The following ADGRL2 variants were observed in gnomAD, a reference collection of about 807,000 sequenced individuals.
ADGRL2 encodes the protein calcium-independent alpha-latrotoxin receptor 2.
A neutral mutation model predicts 157.4 loss-of-function variants in ADGRL2; 44 were observed. The observed-to-expected ratio is 0.28, with a 90% CI of 0.22 to 0.36. ADGRL2 has a LOEUF of 0.36. Among genes scored for constraint, ADGRL2 ranks in the 10% least tolerant of loss-of-function variants. ADGRL2 has a pLI of 1.00. For synonymous variants in ADGRL2, 585 were observed against 624.7 expected (o/e 0.94, Z 0.95); for missense variants, 1,510 against 1,768.9 (o/e 0.85, Z 2.63).
At chr1:81,431,212 G>A (rs970025770) in intron 1 of ADGRL2, among the ~76,000 whole-genome samples, 1 of 152,088 alleles carries the variant, frequency 6.6e-6, no homozygotes, top group African/African-American at 2.4e-5. Context: ...TTGGAGGTAG[G>A]GTGGGGAGTT....
In ADGRL2 at chr1:81,969,247, T is replaced by G; in HGVS notation, c.2593T>G (p.Cys865Gly). ...TWVGIVISLV[C>G]LAICIFTFCF... ...GGTGGGAATTGTCATTTCCCTTGTT[T>G]GCCTGGCTATCTGCATCTTCACCTT... Residue 865 changes from cysteine to glycine, a missense_variant, in exon 15 of 24, where the codon TGC (cysteine) becomes GGC (glycine). Transcript: ENST00000686636. The G allele has an allele frequency of 6.2e-7, 1 of 1,614,122 alleles. No homozygotes were observed. Among genetic ancestry groups the G allele is most frequent in the Non-Finnish European group, 8.5e-7 (1 of 1,179,964 alleles).
At chr1:81,474,192 T>C (rs2078227415) in intron 2 of ADGRL2, among the ~76,000 whole-genome samples, 5 of 152,240 alleles carry the variant, frequency 3.3e-5, no homozygotes, top group Admixed American at 3.3e-4. Context: ...AAATTGACAC[T>C]GTTAATACAT....
intron 1 of ADGRL2, among the ~76,000 whole-genome samples, chr1:81,405,576 G>A (rs1384351979): frequency 6.6e-6 from 1 of 150,552 alleles, no homozygotes; most frequent in Non-Finnish European, 1.5e-5. Flanking sequence ...CCTGAGCCTG[G>A]GAGGCAGAGG....
intron 2 of ADGRL2, among the ~76,000 whole-genome samples, chr1:81,864,934 C>A (rs2150874222): frequency 6.6e-6 from 1 of 152,218 alleles, no homozygotes; most frequent in South Asian, 2.1e-4. Context: ...TGCAGTGAGC[C>A]AAGATCGCAC....
At chr1:81,642,249 A>AC (rs1491414092) in intron 3 of ADGRL2, among the ~76,000 whole-genome samples, 9 of 118,134 alleles carry the variant, frequency 7.6e-5, no homozygotes, top group African/African-American at 2.6e-4. Flanking sequence ...CTCTGTCTCC[A>AC]AAAAAAAAAA....
rs200163797 is a variant in ADGRL2, at chr1:81,901,584, T to TATATA, written c.74-5433_74-5432insATATA. On this transcript the variant is annotated intron_variant, in intron 2 of 23. Transcript: ENST00000686636. ...AGGATTAAAACATATATATATATAT[T>TATATA]TTTTTTTTTGATGATTTCTTCCCGT... Among the ~76,000 whole-genome samples the TATATA allele has an allele frequency of 1.6e-4, 24 of 150,498 alleles. No individual in the cohort carries two copies. In the East Asian group the frequency reaches 4.5e-3, roughly 28 times the overall value.
chr1:81,789,701 CAAAAAA>C (rs34269882), intron 2 of ADGRL2, among the ~76,000 whole-genome samples: 1 of 88,502 alleles, frequency 1.1e-5, no homozygotes, highest in Non-Finnish European at 2.3e-5. Flanking sequence ...GTCTCCGTCT[CAAAAAA>C]AAAAAAAAAA....
chr1:81,905,955 T>A (rs1319752211), intron 2 of ADGRL2, among the ~76,000 whole-genome samples: 5 of 147,818 alleles, frequency 3.4e-5, no homozygotes, highest in Admixed American at 2.7e-4. Flanking sequence ...AGAGTGTGTG[T>A]GTGTGTGTGT....
intron 1 of ADGRL2, among the ~76,000 whole-genome samples, chr1:81,363,446 A>G (rs2076012117): frequency 6.6e-6 from 1 of 152,118 alleles, no homozygotes; most frequent in Non-Finnish European, 1.5e-5. Context: ...AATGTGTTCT[A>G]GTACAGAATT....
chr1:81,740,564 G>A (rs2085041355), intron 1 of ADGRL2, among the ~76,000 whole-genome samples: 1 of 152,162 alleles, frequency 6.6e-6, no homozygotes, highest in Non-Finnish European at 1.5e-5. Flanking sequence ...ACAAGGTTGA[G>A]GCAAGAACGT....
intron 1 of ADGRL2, among the ~76,000 whole-genome samples, chr1:81,364,751 G>A (rs1287133439): frequency 1.3e-5 from 2 of 151,360 alleles, no homozygotes; most frequent in East Asian, 3.9e-4. Flanking sequence ...CCAGGCTGGA[G>A]TGCAGTGGCA....
In ADGRL2 at chr1:81,326,522, C is replaced by T. The variant is rs142749784; in HGVS notation, c.-302+20013C>T. Among the ~76,000 whole-genome samples, 595 of 152,282 alleles carry T rather than the reference C, an allele frequency of 3.9e-3. 6 individuals carry two copies. The highest frequency in any genetic ancestry group is 2.2e-3 in the Non-Finnish European group (150 of 68,020). On this transcript the variant is annotated intron_variant, in intron 1 of 24. Coordinates refer to the ADGRL2 transcript ENST00000370721. ...ATGGACCATTCTTCATGATCTTTAA[C>T]AACCATCAATTGATCTCTAGGACTC...
intron 1 of ADGRL2, among the ~76,000 whole-genome samples, chr1:81,703,255 G>C (rs1004073921): frequency 6.6e-6 from 1 of 152,236 alleles, no homozygotes; most frequent in African/African-American, 2.4e-5. Context: ...TGAAGCGGGA[G>C]AAGTAAGCAA....
chr1:81,700,801 T>G (rs1431868428), intron 1 of ADGRL2, among the ~76,000 whole-genome samples: 1 of 152,200 alleles, frequency 6.6e-6, no homozygotes. Flanking sequence ...TGTCGAACAT[T>G]AGCACTACTA....
At chr1:81,522,731 C>T (rs575385170) in intron 2 of ADGRL2, among the ~76,000 whole-genome samples, 1 of 152,198 alleles carries the variant, frequency 6.6e-6, no homozygotes, top group East Asian at 1.9e-4. Flanking sequence ...AATTCTAATA[C>T]AACAGATAAA....
At chr1:81,984,907 G>A (rs895804896) in intron 20 of ADGRL2, among the ~76,000 whole-genome samples, 196 bp downstream of exon 20, 4 of 151,828 alleles carry the variant, frequency 2.6e-5, no homozygotes, top group African/African-American at 9.7e-5. Context: ...GTCCTTTTTT[G>A]TGGAGAGTTA....
At chr1:81,641,784 A>G (rs1488855447) in intron 3 of ADGRL2, among the ~76,000 whole-genome samples, 1 of 152,176 alleles carries the variant, frequency 6.6e-6, no homozygotes, top group East Asian at 1.9e-4. Flanking sequence ...GAAAATGAAG[A>G]GCAAATGAAA....
At chr1:81,942,127 C>T (rs1315379147) in intron 5 of ADGRL2, 82 bp downstream of exon 5, 2 of 603,770 alleles carry the variant, frequency 3.3e-6, no homozygotes, top group African/African-American at 1.9e-5. Flanking sequence ...CTCCCCACAA[C>T]ACTCCTGTAT....
chr1:81,631,657 C>T (rs528107105), intron 3 of ADGRL2, among the ~76,000 whole-genome samples: 25 of 152,216 alleles, frequency 1.6e-4, no homozygotes, highest in Non-Finnish European at 2.4e-4. Context: ...TTTAAAACTC[C>T]GCAGTTGGTT....
Sources: gnomAD v4.1 joint callset for allele counts (sites outside exome capture counted in the v4.1 genomes callset) on GRCh38, gnomAD v4.1.1 for gene constraint, MANE v1.5 for transcripts, NCBI Gene and HGNC (gene_info 2026-07-23, HGNC 2026-07-21) for gene names.